Variants in CSMD1 observed in about 807,000 individuals in gnomAD.
CSMD1 encodes the protein CUB and Sushi multiple domains 1.
CSMD1 carries 213 observed loss-of-function variants against 417.5 expected under a neutral mutation model. The observed-to-expected ratio is 0.51, with a 90% CI of 0.46 to 0.57. The LOEUF is 0.57. Ranked by LOEUF, CSMD1 falls within the 20% of genes least tolerant of loss-of-function variation. The pLI, the probability that CSMD1 is intolerant of heterozygous loss-of-function variation, is 0.00. For missense variants in CSMD1, 6,923 were observed against 4,529.7 expected (o/e 1.53, Z -15.17); for synonymous variants, 2,862 against 1,736.8 (o/e 1.65, Z -16.11).
At chr8:3,432,803 T>C (rs924644515) in intron 12 of CSMD1, among the ~76,000 whole-genome samples, 3 of 152,184 alleles carry the variant, frequency 2.0e-5, no homozygotes, top group Admixed American at 6.5e-5. Flanking sequence ...CATGAGCCAC[T>C]ACACATGGCC....
intron 1 of CSMD1, among the ~76,000 whole-genome samples, chr8:4,795,555 C>G (rs896668264): frequency 6.6e-6 from 1 of 151,992 alleles, no homozygotes; most frequent in African/African-American, 2.4e-5. Context: ...AGCCACCGCA[C>G]CCGGCCAGCT....
chr8:3,250,893 C>A (rs1016335055), intron 26 of CSMD1, among the ~76,000 whole-genome samples: 3 of 152,198 alleles, frequency 2.0e-5, no homozygotes, highest in African/African-American at 7.2e-5. Context: ...ACCCCTCACC[C>A]ACTTGTTGAT....
rs554585190 is a variant in CSMD1, at chr8:3,988,470, C to T, written c.818+9433G>A. Among the ~76,000 whole-genome samples, 8 of 152,310 alleles carry T rather than the reference C, an allele frequency of 5.3e-5. 1 individual carries two copies. The South Asian group carries it at 1.2e-3, about 24-fold the overall frequency. On this transcript the variant is annotated intron_variant, in intron 5 of 69. Transcript: ENST00000635120. ...ACAAACACCCTAACCTCTCACAGCT[C>T]AGGCTCTGGAGCACGGAACAGCAGC...
At chr8:3,827,730 T>C (rs750200210) in intron 5 of CSMD1, among the ~76,000 whole-genome samples, 11 of 152,214 alleles carry the variant, frequency 7.2e-5, no homozygotes, top group South Asian at 2.1e-4. Context: ...ATCCACCTCA[T>C]TGTACTTCTT....
At chr8:4,794,089 C>G (rs1276707887) in intron 1 of CSMD1, among the ~76,000 whole-genome samples, 3 of 152,168 alleles carry the variant, frequency 2.0e-5, no homozygotes, top group African/African-American at 4.8e-5. Flanking sequence ...CTCAAAACTT[C>G]TGGAGATAAG....
rs534668160 is a variant in CSMD1, at chr8:3,332,784, C to G, written c.3631+10510G>C. ...CTGACGGGCAGATGTTGCAGGGACC[C>G]TGATGCCCTCACCTCCTGCTGCTCC... On this transcript the variant is annotated intron_variant, in intron 23 of 69. Coordinates refer to ENST00000635120, the MANE Select transcript of CSMD1 (RefSeq NM_033225.6). Among the ~76,000 whole-genome samples, 4 of 152,342 alleles carry G rather than the reference C, an allele frequency of 2.6e-5. No individual in the cohort carries two copies. In the East Asian group the frequency reaches 7.7e-4, roughly 29 times the overall value.
intron 3 of CSMD1, among the ~76,000 whole-genome samples, chr8:4,197,619 C>T (rs1218879417): frequency 1.3e-5 from 2 of 152,164 alleles, no homozygotes; most frequent in South Asian, 2.1e-4. Context: ...TGGCTCATGC[C>T]TGAAATCCCA....
Position 3,142,541 on chromosome 8 carries a change from G to T in CSMD1, c.6165C>A (p.Ser2055Arg), listed in dbSNP as rs751780275. 1 of 1,613,994 alleles carries T rather than the reference G, an allele frequency of 6.2e-7. No homozygotes were observed. Among genetic ancestry groups the T allele is most frequent in the Non-Finnish European group, 8.5e-7 (1 of 1,179,894 alleles). The change falls in exon 41 of 70, where the codon AGC (serine) becomes AGA (arginine). Residue 2055 changes from serine (S) to arginine (R), a missense_variant. Ser to Arg is a moderately radical substitution (Grantham distance 110, BLOSUM62 -1). Coordinates refer to ENST00000635120, the MANE Select transcript of CSMD1 (RefSeq NM_033225.6). ...SGTDLPAALL[S>R]TTHETLIHFY... ...AGTGGATGAGGGTTTCATGCGTTGT[G>T]CTCAGCAGGGCCGCGGGGAGATCCG...
At position 3,574,938 on chromosome 8, in the gene CSMD1, G is replaced by T. The variant is rs754763751; in HGVS notation, c.1344+7C>A. Reference sequence around the variant, plus strand: ...ATTAACCACAGGGGTTGGAGGCGGAGCCTTACCTTGTCCGGGTCGGTGGTG... The same window carrying T: ...ATTAACCACAGGGGTTGGAGGCGGATCCTTACCTTGTCCGGGTCGGTGGTG... On this transcript the variant is annotated splice_region_variant and intron_variant, in intron 10 of 69. Transcript: ENST00000635120. The T allele has an allele frequency of 6.2e-7, 1 of 1,611,916 alleles. No homozygotes were observed.
intron 2 of CSMD1, among the ~76,000 whole-genome samples, chr8:4,501,436 C>T (rs1045778480): frequency 6.6e-6 from 1 of 152,008 alleles, no homozygotes; most frequent in Non-Finnish European, 1.5e-5. Context: ...TTGAAGAAGT[C>T]GAGGTGGATA....
At chr8:4,643,480 T>C (rs1803332610) in intron 1 of CSMD1, among the ~76,000 whole-genome samples, 1 of 152,094 alleles carries the variant, frequency 6.6e-6, no homozygotes. Context: ...TTACTCCTAC[T>C]GGACGTAGCT....
At chr8:4,789,741 A>G (rs1307405534) in intron 1 of CSMD1, among the ~76,000 whole-genome samples, 1 of 152,172 alleles carries the variant, frequency 6.6e-6, no homozygotes, top group East Asian at 1.9e-4. Flanking sequence ...CAATGCTCCC[A>G]ACATAGTTCA....
intron 2 of CSMD1, among the ~76,000 whole-genome samples, chr8:4,617,973 A>T (rs1801570449): frequency 6.6e-6 from 1 of 152,174 alleles, no homozygotes; most frequent in African/African-American, 2.4e-5. Flanking sequence ...TAAAATATTT[A>T]TGATTTGGAG....
At chr8:4,967,618 G>A (rs547994108) in intron 1 of CSMD1, among the ~76,000 whole-genome samples, 2 of 152,076 alleles carry the variant, frequency 1.3e-5, no homozygotes, top group African/African-American at 2.4e-5. Flanking sequence ...CCTATACTTC[G>A]GTTCTATGTT....
chr8:4,462,105 G>A (rs1799871170), intron 2 of CSMD1, among the ~76,000 whole-genome samples: 1 of 151,892 alleles, frequency 6.6e-6, no homozygotes. Flanking sequence ...AAACTCCTGG[G>A]CTCAAGGGAT....
chr8:4,166,779 C>G (rs137989462), intron 3 of CSMD1, among the ~76,000 whole-genome samples: 3 of 152,140 alleles, frequency 2.0e-5, no homozygotes, highest in Non-Finnish European at 4.4e-5. Flanking sequence ...AAATGTAGCC[C>G]TACCAAAATG....
chr8:4,828,037 C>G (rs1310777060), intron 1 of CSMD1, among the ~76,000 whole-genome samples: 1 of 152,034 alleles, frequency 6.6e-6, no homozygotes, highest in Non-Finnish European at 1.5e-5. Flanking sequence ...CAGCTACAAT[C>G]AAAAGAAGCG....
At chr8:4,440,241 C>G (rs184875917) in intron 2 of CSMD1, among the ~76,000 whole-genome samples, 10 of 152,194 alleles carry the variant, frequency 6.6e-5, no homozygotes, top group Non-Finnish European at 1.3e-4. Flanking sequence ...TGCATGTGCA[C>G]CTATACATAT....
intron 19 of CSMD1, 48 bp from the exon 20 acceptor site, chr8:3,367,295 CG>C (rs1563316764): frequency 7.7e-7 from 1 of 1,306,380 alleles, no homozygotes; most frequent in South Asian, 1.2e-5. Context: ...GAGAGACACA[CG>C]GGGCGGCGGG....
Sources: gnomAD v4.1 joint callset for allele counts (sites outside exome capture counted in the v4.1 genomes callset) on GRCh38, gnomAD v4.1.1 for gene constraint, MANE v1.5 for transcripts, NCBI Gene and HGNC (gene_info 2026-07-23, HGNC 2026-07-21) for gene names.